Variants in DLG2 observed in about 807,000 individuals in gnomAD.
DLG2 encodes the protein disks large homolog 2.
In DLG2, 45 loss-of-function variants were observed where a neutral mutation model predicts 132.5. That is an observed-to-expected ratio of 0.34 (90% confidence interval 0.27 to 0.44). The LOEUF (loss-of-function observed/expected upper bound fraction) is 0.44, where lower values mean the gene tolerates loss of function less well. Ranked by LOEUF, DLG2 falls within the 20% of genes least tolerant of loss-of-function variation. The pLI is 1.00. For missense variants in DLG2, 1,045 were observed against 1,196.9 expected (o/e 0.87, Z 1.87); for synonymous variants, 424 against 419.6 (o/e 1.01, Z -0.13).
intron 6 of DLG2, among the ~76,000 whole-genome samples, chr11:84,781,816 C>T (rs971967432): frequency 6.6e-6 from 1 of 152,102 alleles, no homozygotes; most frequent in Non-Finnish European, 1.5e-5. Flanking sequence ...GTCCTCAGTG[C>T]TGAACAACTT....
At chr11:85,125,104 A>C (rs1425837672) in intron 5 of DLG2, among the ~76,000 whole-genome samples, 1 of 152,214 alleles carries the variant, frequency 6.6e-6, no homozygotes, top group African/African-American at 2.4e-5. Context: ...TGCTGGGATT[A>C]CAGGCGTGAG....
intron 6 of DLG2, among the ~76,000 whole-genome samples, chr11:84,781,057 A>ATATG (rs1555218890): frequency 7.0e-6 from 1 of 142,934 alleles, no homozygotes; most frequent in Admixed American, 7.2e-5. Flanking sequence ...TCATAACTTA[A>ATATG]TGTGTGTGTG....
At chr11:84,554,046 C>A (rs1032222184) in intron 6 of DLG2, among the ~76,000 whole-genome samples, 2 of 152,194 alleles carry the variant, frequency 1.3e-5, no homozygotes, top group African/African-American at 4.8e-5. Context: ...AAGTCCAATT[C>A]TAAATTGAAT....
chr11:83,503,371 A>ATT (rs2094533268), intron 21 of DLG2, among the ~76,000 whole-genome samples: 5 of 1,990 alleles, frequency 2.5e-3, no homozygotes, highest in African/African-American at 9.7e-3. Context: ...ACACCCATTT[A>ATT]TATATATATA....
chr11:85,405,061 T>C (rs2088587787), intron 3 of DLG2, among the ~76,000 whole-genome samples: 1 of 151,888 alleles, frequency 6.6e-6, no homozygotes, highest in Non-Finnish European at 1.5e-5. Flanking sequence ...TTTTAAAAAA[T>C]GTTGCTGAAT....
chr11:84,585,509 G>A (rs960669049), intron 6 of DLG2, among the ~76,000 whole-genome samples: 1 of 152,064 alleles, frequency 6.6e-6, no homozygotes, highest in Non-Finnish European at 1.5e-5. Context: ...CTCTCCTCAT[G>A]TACATTTCCA....
intron 17 of DLG2, among the ~76,000 whole-genome samples, chr11:83,811,719 C>G (rs1435671220): frequency 6.6e-6 from 1 of 152,014 alleles, no homozygotes; most frequent in Admixed American, 6.6e-5. Context: ...ACATTAAAGT[C>G]TTATGTATTG....
At chr11:84,397,793 A>G (rs985384889) in intron 7 of DLG2, among the ~76,000 whole-genome samples, 5 of 152,228 alleles carry the variant, frequency 3.3e-5, no homozygotes, top group Non-Finnish European at 7.3e-5. Flanking sequence ...AAAGCCACTA[A>G]TGTCATGCTG....
intron 16 of DLG2, among the ~76,000 whole-genome samples, chr11:83,862,697 T>C (rs2061648532): frequency 6.6e-6 from 1 of 152,272 alleles, no homozygotes. Context: ...GCATTCATAA[T>C]ATTACTGTCT....
chr11:84,262,014 T>C (rs1208760740), intron 7 of DLG2, among the ~76,000 whole-genome samples: 1 of 152,182 alleles, frequency 6.6e-6, no homozygotes, highest in Non-Finnish European at 1.5e-5. Context: ...AGGAAAATTA[T>C]AAACAGAAAG....
chr11:85,373,330 C>A (rs1262216997), intron 3 of DLG2, among the ~76,000 whole-genome samples: 1 of 152,160 alleles, frequency 6.6e-6, no homozygotes, highest in Non-Finnish European at 1.5e-5. Context: ...AAACTCCAGT[C>A]ACACAACTGG....
intron 6 of DLG2, among the ~76,000 whole-genome samples, chr11:85,105,102 C>CCTCCATTT (rs1251281921): frequency 6.6e-6 from 1 of 151,860 alleles, no homozygotes; most frequent in Non-Finnish European, 1.5e-5. Flanking sequence ...TTGCCAGCAA[C>CCTCCATTT]CTTAGGGCTT....
Position 85,431,041 on chromosome 11 carries a change from G to GT in DLG2, c.41-145677dup, listed in dbSNP as rs530681590. Among the ~76,000 whole-genome samples, 274 of 152,004 alleles carry GT rather than the reference G, an allele frequency of 1.8e-3. 1 individual carries two copies. The highest frequency in any genetic ancestry group is 6.2e-3 in the African/African-American group (259 of 41,450). ...TTCAAATAATTGGCTTAATTTTTTA[G>GT]TTTTTTTTATTTCTATACATCAAAC... On this transcript the variant is annotated intron_variant, in intron 3 of 27. Coordinates refer to ENST00000376104, the MANE Select transcript of DLG2 (RefSeq NM_001142699.3).
intron 7 of DLG2, among the ~76,000 whole-genome samples, chr11:84,396,149 G>A (rs1183184949): frequency 6.6e-6 from 1 of 152,038 alleles, no homozygotes; most frequent in Non-Finnish European, 1.5e-5. Flanking sequence ...TTTCCCATTT[G>A]TAATTTAAAA....
rs369429472 is a variant in DLG2, at chr11:83,466,986, CATT to C, written c.2620-172_2620-170del. Reference sequence around the variant, plus strand: ...AATAAAAATCGATATATAGGGTCATCATTGAGTGTTTACAATAACTAATACTAA... The same window carrying C: ...AATAAAAATCGATATATAGGGTCATCGAGTGTTTACAATAACTAATACTAA... On this transcript the variant is annotated intron_variant, in intron 25 of 27. Transcript: ENST00000376104. Among the ~76,000 whole-genome samples the C allele has an allele frequency of 6.1e-4, 93 of 152,292 alleles. 1 individual carries two copies. The South Asian group carries it at 0.019, about 32-fold the overall frequency.
intron 6 of DLG2, among the ~76,000 whole-genome samples, chr11:85,000,386 T>C (rs1339948539): frequency 6.6e-6 from 1 of 152,302 alleles, no homozygotes; most frequent in Non-Finnish European, 1.5e-5. Flanking sequence ...AATGAAGCAG[T>C]AGGAATACTG....
intron 17 of DLG2, among the ~76,000 whole-genome samples, chr11:83,807,942 C>T (rs1370416633): frequency 6.6e-6 from 1 of 152,150 alleles, no homozygotes; most frequent in Non-Finnish European, 1.5e-5. Context: ...TACCTGCTGT[C>T]TCCAGCCTTA....
At position 84,466,401 on chromosome 11, in the gene DLG2, A is replaced by AT. The variant is rs201231254; in HGVS notation, c.519+68168dup. Among the ~76,000 whole-genome samples, 609 of 151,486 alleles carry AT rather than the reference A, an allele frequency of 4.0e-3. 4 individuals carry two copies. Among genetic ancestry groups the AT allele is most frequent in the African/African-American group, 0.014 (588 of 41,474 alleles). On this transcript the variant is annotated intron_variant, in intron 7 of 27. Coordinates refer to ENST00000376104, the MANE Select transcript of DLG2 (RefSeq NM_001142699.3). Reference sequence around the variant, plus strand: ...TGCAGCTTATATCACAAACACAAAGATCTGATCACTTTAATATAGAAAGAG... The same window carrying AT: ...TGCAGCTTATATCACAAACACAAAGATTCTGATCACTTTAATATAGAAAGAG...
intron 6 of DLG2, among the ~76,000 whole-genome samples, chr11:84,936,292 A>G (rs2154094374): frequency 6.6e-6 from 1 of 152,324 alleles, no homozygotes; most frequent in African/African-American, 2.4e-5. Context: ...AAATATTTTG[A>G]TAATTCTAAA....
Sources: gnomAD v4.1 joint callset for allele counts (sites outside exome capture counted in the v4.1 genomes callset) on GRCh38, gnomAD v4.1.1 for gene constraint, MANE v1.5 for transcripts, NCBI Gene and HGNC (gene_info 2026-07-23, HGNC 2026-07-21) for gene names.